Variants in TBC1D4 observed in about 807,000 individuals in gnomAD.
TBC1D4 encodes the protein TBC1 domain family member 4, also known as TBC (Tre-2, BUB2, CDC16) domain-containing protein.
TBC1D4 carries 121 observed loss-of-function variants against 142.5 expected under a neutral mutation model. The ratio of observed to expected loss-of-function variants is 0.85; its 90% confidence interval spans 0.73 to 0.99. The LOEUF is 0.99. Among genes scored for constraint, TBC1D4 ranks in the 50% least tolerant of loss-of-function variants. The pLI is 0.00. For synonymous variants in TBC1D4, 630 were observed against 628.2 expected (o/e 1.00, Z -0.04); for missense variants, 1,475 against 1,606.6 (o/e 0.92, Z 1.40).
intron 1 of TBC1D4, among the ~76,000 whole-genome samples, chr13:75,422,718 C>G (rs1056481460): frequency 1.3e-5 from 2 of 152,012 alleles, no homozygotes; most frequent in Non-Finnish European, 2.9e-5. Context: ...ATCAATGAAA[C>G]CTTTTTCCTA....
At chr13:75,378,039 T>C (rs989920881) in intron 1 of TBC1D4, among the ~76,000 whole-genome samples, 1 of 152,146 alleles carries the variant, frequency 6.6e-6, no homozygotes, top group Non-Finnish European at 1.5e-5. Context: ...CTGTAATATG[T>C]TAAAGAGTAG....
chr13:75,285,802 T>C lies in TBC1D4; in HGVS notation c.*990A>G, dbSNP rs1342685660. The C allele has an allele frequency of 1.3e-5, 2 of 152,604 alleles. No homozygotes were observed. The highest frequency in any genetic ancestry group is 2.9e-5 in the Non-Finnish European group (2 of 68,034). The allele number at this position is 152,604 out of a possible 1,614,324, so 9.5% of individuals were successfully genotyped here. A position where few individuals can be genotyped will look rare whatever the true frequency, so the allele number is the denominator to read the frequency against. On this transcript the variant is annotated 3_prime_UTR_variant, in exon 21 of 21. Transcript: ENST00000377636. ...TTGGAAAAAATCAATCATAATTACG[T>C]TTCCTTATACTGAATTTAAGGTAGA...
At chr13:75,382,175 A>G (rs1883893202) in intron 1 of TBC1D4, among the ~76,000 whole-genome samples, 1 of 152,150 alleles carries the variant, frequency 6.6e-6, no homozygotes, top group African/African-American at 2.4e-5. Context: ...ACCCTAAACA[A>G]TTCAGCCAGA....
chr13:75,399,378 TAACC>T (rs1364129138), intron 1 of TBC1D4, among the ~76,000 whole-genome samples: 1 of 152,176 alleles, frequency 6.6e-6, no homozygotes, highest in Non-Finnish European at 1.5e-5. Flanking sequence ...TACAGTACTG[TAACC>T]AACTGCCCCA....
chr13:75,407,385 T>C (rs1403145822), intron 1 of TBC1D4, among the ~76,000 whole-genome samples: 2 of 152,178 alleles, frequency 1.3e-5, no homozygotes, highest in Admixed American at 6.5e-5. Context: ...CCGGAAAGAT[T>C]ACACTTCTGA....
chr13:75,339,587 C>CTTT (rs34336000), intron 7 of TBC1D4, among the ~76,000 whole-genome samples: 2 of 147,822 alleles, frequency 1.4e-5, no homozygotes, highest in Admixed American at 6.7e-5. Flanking sequence ...GCTCAATGTT[C>CTTT]TTTTTTTTTT....
chr13:75,292,362 G>C, intron 18 of TBC1D4, 91 bp from the exon 19 acceptor site: 1 of 1,150,998 alleles, frequency 8.7e-7, no homozygotes, highest in South Asian at 1.4e-5. Context: ...TTGTTTACTT[G>C]TTTTATGTAT....
chr13:75,471,860 A>G (rs1239310502), intron 1 of TBC1D4, among the ~76,000 whole-genome samples: 1 of 152,162 alleles, frequency 6.6e-6, no homozygotes, highest in East Asian at 1.9e-4. Context: ...TAATCCCAGC[A>G]CTTTGGGAGG....
chr13:75,308,904 T>C (rs1358092512), intron 14 of TBC1D4, among the ~76,000 whole-genome samples: 6 of 152,192 alleles, frequency 3.9e-5, no homozygotes, highest in Non-Finnish European at 5.9e-5. Context: ...AAATGTGCTC[T>C]TGCAAACTAT....
At chr13:75,461,611 T>C (rs1046219184) in intron 1 of TBC1D4, among the ~76,000 whole-genome samples, 4 of 152,254 alleles carry the variant, frequency 2.6e-5, no homozygotes, top group African/African-American at 4.8e-5. Flanking sequence ...ATATTATTTA[T>C]AGAAATGTAA....
intron 1 of TBC1D4, among the ~76,000 whole-genome samples, chr13:75,369,272 C>A (rs566400641): frequency 1.8e-4 from 28 of 152,216 alleles, no homozygotes; most frequent in African/African-American, 6.7e-4. Context: ...GGCAGGAGAA[C>A]TGCTTGAAAC....
chr13:75,305,792 C>T (rs1334594829), intron 15 of TBC1D4, among the ~76,000 whole-genome samples: 1 of 152,084 alleles, frequency 6.6e-6, no homozygotes, highest in African/African-American at 2.4e-5. Context: ...AAATATCAGG[C>T]ATCTTATATG....
intron 1 of TBC1D4, among the ~76,000 whole-genome samples, chr13:75,391,005 C>T (rs940045172): frequency 1.3e-5 from 2 of 151,036 alleles, no homozygotes; most frequent in African/African-American, 4.9e-5. Context: ...TGCACAAACA[C>T]ACTAGCTAAG....
chr13:75,455,745 T>C (rs893530670), intron 1 of TBC1D4, among the ~76,000 whole-genome samples: 1 of 152,116 alleles, frequency 6.6e-6, no homozygotes, highest in Non-Finnish European at 1.5e-5. Context: ...TTTTAAGGTA[T>C]GATATAGTCA....
chr13:75,390,975 T>C (rs1223927400), intron 1 of TBC1D4, among the ~76,000 whole-genome samples: 1 of 151,426 alleles, frequency 6.6e-6, no homozygotes, highest in Non-Finnish European at 1.5e-5. Flanking sequence ...GCTTACACTA[T>C]GCCTTCTTTC....
At chr13:75,298,781 A>C (rs1486092932) in intron 17 of TBC1D4, among the ~76,000 whole-genome samples, 1 of 152,052 alleles carries the variant, frequency 6.6e-6, no homozygotes, top group African/African-American at 2.4e-5. Flanking sequence ...ACACACACAC[A>C]CAAAGCAGAC....
In TBC1D4 at chr13:75,353,205, G is replaced by A. The variant is rs372485221; in HGVS notation, c.1275+2942C>T. ...GCAGCATGTTCCCAGACTTTCTACT[G>A]TGATTCCCTGTTTCCAAAACTCATT... is the stretch of plus-strand genomic sequence containing the variant. On this transcript the variant is annotated intron_variant, in intron 4 of 20. Transcript: ENST00000377636. Among the ~76,000 whole-genome samples, 3 of 152,144 alleles carry A rather than the reference G, an allele frequency of 2.0e-5. No individual in the cohort carries two copies. The South Asian group carries it at 6.2e-4, about 31-fold the overall frequency.
In TBC1D4 at chr13:75,312,874, G is replaced by A. The variant is rs376258419; in HGVS notation, c.2247C>T (p.Thr749=). The A allele has an allele frequency of 1.2e-6, 2 of 1,614,064 alleles. No individual in the cohort carries two copies. Among genetic ancestry groups the A allele is most frequent in the African/African-American group, 2.7e-5 (2 of 74,930 alleles). ...GGGACTCATTGCTGCAGGTAGATGA[G>A]GTCCTTTTTCTCCCTTCTCCATCAC... is the stretch of plus-strand genomic sequence containing the variant. ...ESSDGEGRKR[T]SSTCSNESLS... is the part of the protein sequence containing the mutation. Residue 749 remains threonine (T), a synonymous_variant, in exon 13 of 21, where the codon ACC becomes ACT. Coordinates refer to ENST00000377636, the MANE Select transcript of TBC1D4 (RefSeq NM_014832.5).
At chr13:75,299,823 CAAAAAAAAA>C (rs56719877) in intron 16 of TBC1D4, among the ~76,000 whole-genome samples, 42 of 105,958 alleles carry the variant, frequency 4.0e-4, no homozygotes, top group East Asian at 7.5e-4. Flanking sequence ...TTCTTTCCAG[CAAAAAAAAA>C]AAAAAAAAAA....
Sources: allele counts gnomAD v4.1 joint callset (sites outside exome capture counted in the v4.1 genomes callset), GRCh38; gene constraint gnomAD v4.1.1; transcripts MANE v1.5; gene names NCBI Gene and HGNC (gene_info 2026-07-23, HGNC 2026-07-21).